RPL10: variants seen among roughly 807,000 people sequenced by gnomAD.
The protein encoded by RPL10 is large ribosomal subunit protein uL16.
In RPL10, 1 loss-of-function variant was observed where a neutral mutation model predicts 15.7. The ratio of observed to expected loss-of-function variants is 0.06; its 90% CI spans 0.02 to 0.30. RPL10 has a LOEUF of 0.30. RPL10 is among the 10% of genes least tolerant of loss of function. The pLI is 1.00. For synonymous variants in RPL10, 59 were observed against 64.0 expected (o/e 0.92, Z 0.37); for missense variants, 54 against 183.4 (o/e 0.29, Z 4.08).
chrX:154,398,558 G>C lies in RPL10; in HGVS notation c.23+16G>C. ...CCGCCCGTTGGTGAGTCTTGAATCC[G>C]TGTACTTTCACTGCTGGGAAACGGG... On this transcript the variant is annotated intron_variant, in intron 2 of 6. Transcript: ENST00000369817. 8.3e-7 allele frequency: 1 copy of C among 1,210,572 alleles called. No individual in the cohort carries two copies. Among genetic ancestry groups the C allele is most frequent in the Non-Finnish European group, 1.1e-6 (1 of 895,061 alleles).
chrX:154,398,746 C>T (rs781934782), intron 2 of RPL10: 12 of 485,509 alleles, frequency 2.5e-5, no homozygotes, highest in Non-Finnish European at 3.9e-5. Flanking sequence ...GGTGTGGAAG[C>T]GACGGTTCCC....
At chrX:154,398,129 GC>G (rs2067949239), upstream of RPL10, 1 of 348,040 alleles carries the variant, frequency 2.9e-6, no homozygotes, top group African/African-American at 2.6e-5. Context: ...AAGATGGCCA[GC>G]CGGAAGCGGG....
At position 154,400,802 on chromosome X, in the gene RPL10, A is replaced by C; in HGVS notation, c.593A>C (p.Lys198Thr). The change falls in exon 7 of 7, where the codon AAG becomes ACG. Residue 198 changes from lysine to threonine, a missense_variant. Lys to Thr is a moderately conservative substitution (Grantham distance 78, BLOSUM62 -1). This residue lies in a region of RPL10 where 32 missense variants were observed against 76.0 expected (regional missense o/e 0.42). Transcript: ENST00000369817. ...CTCATCCCAGATGGCTGTGGGGTCAAGTACATCCCCAGTCGTGGCCCTCTG... is the reference window on the plus strand; with the variant it reads ...CTCATCCCAGATGGCTGTGGGGTCACGTACATCCCCAGTCGTGGCCCTCTG... The part of the protein sequence containing the change: ...KRLIPDGCGV[K>T]YIPSRGPLDK... 1 of 1,211,760 alleles carries C rather than the reference A, an allele frequency of 8.3e-7. No homozygotes were observed. The highest frequency in any genetic ancestry group is 1.1e-6 in the Non-Finnish European group (1 of 895,441).
In RPL10 at chrX:154,400,534, G is replaced by A; in HGVS notation, c.400G>A (p.Val134Ile). ...TGTGGCCAGGGTTCACATTGGCCAA[G>A]TTATCATGTCCATCCGCACCAAGCT... ...GTVARVHIGQ[V>I]IMSIRTKLQN... Residue 134 changes from valine (V) to isoleucine (I), a missense_variant, in exon 6 of 7, where the codon GTT becomes ATT. By Grantham distance (29) the Val-to-Ile change is conservative. Transcript: ENST00000369817. 8.3e-7 allele frequency: 1 copy of A among 1,208,400 alleles called. No homozygotes were observed. Among genetic ancestry groups the A allele is most frequent in the South Asian group, 1.8e-5 (1 of 56,966 alleles).
chrX:154,400,661 G>T lies in RPL10; in HGVS notation c.492+35G>T, dbSNP rs782165758. On this transcript the variant is annotated intron_variant, in intron 6 of 6. Coordinates refer to ENST00000369817, the MANE Select transcript of RPL10 (RefSeq NM_006013.5). ...GCTGCAGCCCCCTTCTCCCACCTTT[G>T]CCCCAGGCCTCCTGACTCAGTTCTT... 8 of 1,211,146 alleles carry T rather than the reference G, an allele frequency of 6.6e-6. No individual in the cohort carries two copies. The highest frequency in any genetic ancestry group is 7.8e-6 in the Non-Finnish European group (7 of 895,099).
rs191371671 is a variant in RPL10, at chrX:154,398,479, C to G, written c.-23-18C>G. 288 of 1,208,899 alleles carry G rather than the reference C, an allele frequency of 2.4e-4. 1 individual carries two copies. In the African/African-American group the frequency reaches 4.7e-3, roughly 20 times the overall value. On this transcript the variant is annotated intron_variant, in intron 1 of 6. Transcript: ENST00000369817. ...TCTGTTCTCGTCTTCCGTTCCGACT[C>G]TCTCTTTTTCGTTGCAGCCACTGAA...
intron 2 of RPL10, chrX:154,398,922 C>T (rs2067965958): frequency 5.6e-6 from 2 of 359,562 alleles, no homozygotes; most frequent in South Asian, 7.4e-5. Context: ...CTCCTGTGTC[C>T]TACAGGGGGC....
chrX:154,400,370 A>G, intron 5 of RPL10, 94 bp from the exon 6 acceptor site: 1 of 952,411 alleles, frequency 1.0e-6, no homozygotes, highest in African/African-American at 1.9e-5. Context: ...TAGTGTACGC[A>G]GCCTGTTGGT....
At chrX:154,399,246 C>A in intron 2 of RPL10, 92 bp from the exon 3 acceptor site, 1 of 912,542 alleles carries the variant, frequency 1.1e-6, no homozygotes, top group South Asian at 2.0e-5. Context: ...ACCCTTTTCC[C>A]GTCCCTCGTT....
chrX:154,400,117 A>G, intron 5 of RPL10, 176 bp downstream of exon 5: 1 of 577,577 alleles, frequency 1.7e-6, no homozygotes, highest in Non-Finnish European at 3.0e-6. Context: ...GATACAAACA[A>G]AGCATGAGTA....
At chrX:154,398,427 C>G in intron 1 of RPL10, 33 bp downstream of exon 1, 1 of 1,081,860 alleles carries the variant, frequency 9.2e-7, no homozygotes, top group Non-Finnish European at 1.3e-6. Context: ...TCTTGCGGTG[C>G]CGTTGCTGGT....
rs1392342038 is a variant in RPL10, at chrX:154,401,610, G to C, written c.*756G>C. The C allele has an allele frequency of 1.8e-5, 2 of 111,864 alleles. No individual in the cohort carries two copies. Among genetic ancestry groups the C allele is most frequent in the African/African-American group, 6.5e-5 (2 of 30,550 alleles). 9.2% of individuals were successfully genotyped at this position (111,864 alleles called of 1,213,427 possible). ...TGGGGGAGCAGCAAAAATGAGAGGA[G>C]TGCTAGGTGGGTGGCCTGAGCATCT... On this transcript the variant is annotated 3_prime_UTR_variant, in exon 7 of 7. Coordinates refer to ENST00000369817, the MANE Select transcript of RPL10 (RefSeq NM_006013.5).
intron 2 of RPL10, chrX:154,398,782 G>A (rs1459680966): frequency 9.0e-6 from 4 of 445,646 alleles, no homozygotes; most frequent in African/African-American, 5.0e-5. Context: ...TGTCCTGCAA[G>A]CTCACCGCAT....
chrX:154,399,980 C>T, intron 5 of RPL10, 39 bp downstream of exon 5: 1 of 1,202,569 alleles, frequency 8.3e-7, no homozygotes, highest in Non-Finnish European at 1.1e-6. Context: ...GTTGGAGTCT[C>T]TACATTATTA....
chrX:154,398,491 T>C lies in RPL10; in HGVS notation c.-23-6T>C. 3.3e-6 allele frequency: 4 copies of C among 1,211,211 alleles called. No homozygotes were observed. The highest frequency in any genetic ancestry group is 3.4e-6 in the Non-Finnish European group (3 of 895,084). On this transcript the variant is annotated splice_polypyrimidine_tract_variant and splice_region_variant and intron_variant, in intron 1 of 6. Transcript: ENST00000369817. ...TTCCGTTCCGACTCTCTCTTTTTCGTTGCAGCCACTGAAGATCCTGGTGTC... is the reference window on the plus strand; with the variant it reads ...TTCCGTTCCGACTCTCTCTTTTTCGCTGCAGCCACTGAAGATCCTGGTGTC...
Position 154,401,149 on chromosome X carries a change from C to G in RPL10, c.*295C>G, listed in dbSNP as rs1557186102. ...AAACACTGAAGTGCTTTTCATGAAG[C>G]ACAGCTGCAGCAAAGCCTTGCAATC... On this transcript the variant is annotated 3_prime_UTR_variant, in exon 7 of 7. Coordinates refer to ENST00000369817, the MANE Select transcript of RPL10 (RefSeq NM_006013.5). The G allele has an allele frequency of 8.3e-6, 4 of 483,568 alleles. No individual in the cohort carries two copies. In the African/African-American group the frequency reaches 9.9e-5, roughly 12 times the overall value. The allele number at this position is 483,568 out of a possible 1,213,427, so 39.9% of individuals were successfully genotyped here. A position where few individuals can be genotyped will look rare whatever the true frequency, so the allele number is the denominator to read the frequency against.
chrX:154,400,902 A>G lies in RPL10; in HGVS notation c.*48A>G, dbSNP rs782154673. 1 of 1,207,913 alleles carries G rather than the reference A, an allele frequency of 8.3e-7. No homozygotes were observed. Among genetic ancestry groups the G allele is most frequent in the South Asian group, 1.8e-5 (1 of 56,560 alleles). On this transcript the variant is annotated 3_prime_UTR_variant, in exon 7 of 7. Transcript: ENST00000369817. ...CTCTTAATACTCACCAATAAATTCT[A>G]CTTCCTGTCCACCTATGTCTTTGTA...
Position 154,399,953 on chromosome X carries a change from C to A in RPL10, c.329+12C>A, listed in dbSNP as rs782608887. The A allele has an allele frequency of 5.0e-6, 6 of 1,210,025 alleles. No individual in the cohort carries two copies. Among genetic ancestry groups the A allele is most frequent in the Admixed American group, 2.2e-5 (1 of 45,817 alleles). ...GCTGGGGCTGACAGGTGAGCTTGGT[C>A]TGGGCCTTTTAAGGCAGTTGGAGTC... On this transcript the variant is annotated intron_variant, in intron 5 of 6. Coordinates refer to ENST00000369817, the MANE Select transcript of RPL10 (RefSeq NM_006013.5).
chrX:154,399,335 C>T lies in RPL10; in HGVS notation c.24-3C>T. On this transcript the variant is annotated splice_polypyrimidine_tract_variant and splice_region_variant and intron_variant, in intron 2 of 6. Transcript: ENST00000369817. ...TAACCTGTGTTTTTTCACTCCCCTG[C>T]AGTTACCGGTATTGTAAGAACAAGC... The T allele has an allele frequency of 8.3e-7, 1 of 1,211,020 alleles. No individual in the cohort carries two copies. Among genetic ancestry groups the T allele is most frequent in the Non-Finnish European group, 1.1e-6 (1 of 895,004 alleles).
Sources: gnomAD v4.1 joint callset for allele counts on GRCh38, gnomAD v4.1.1 for gene constraint, gnomAD v4.1.1 regional missense constraint, MANE v1.5 for transcripts, NCBI Gene and HGNC (gene_info 2026-07-23, HGNC 2026-07-21) for gene names.